The following DNAJB11 variants were observed in gnomAD, a reference collection of about 807,000 sequenced individuals.
The protein encoded by DNAJB11 is DnaJ heat shock protein family (Hsp40) member B11.
DNAJB11 carries 30 observed loss-of-function variants against 47.2 expected under a neutral mutation model. That is an observed-to-expected ratio of 0.64 (90% CI 0.48 to 0.86). DNAJB11 has a LOEUF of 0.86. Ranked by LOEUF, DNAJB11 falls within the 40% of genes least tolerant of loss-of-function variation. DNAJB11 has a pLI of 0.00. For missense variants in DNAJB11, 357 were observed against 440.2 expected (o/e 0.81, Z 1.69); for synonymous variants, 151 against 159.9 (o/e 0.94, Z 0.42).
In DNAJB11 at chr3:186,584,906, G is replaced by A. The variant is rs1448249585; in HGVS notation, c.1012+317G>A. 6.6e-5 allele frequency among the ~76,000 whole-genome samples: 10 copies of A among 152,292 alleles called. No individual in the cohort carries two copies. The East Asian group carries it at 1.9e-3, about 29-fold the overall frequency. On this transcript the variant is annotated intron_variant, in intron 9 of 9. Coordinates refer to ENST00000265028, the MANE Select transcript of DNAJB11 (RefSeq NM_016306.6). ...TGTAAAAGGGAAGATGAGGTAGACT[G>A]TAGAAAGATTAGAAGCTTATGGGTG... is the stretch of plus-strand genomic sequence containing the variant.
intron 4 of DNAJB11, chr3:186,578,917 G>A (rs547366704): frequency 1.3e-5 from 2 of 152,198 alleles, no homozygotes; most frequent in South Asian, 2.1e-4. Flanking sequence ...ATTCGTTTTT[G>A]TTCTAAAATA....
chr3:186,582,153 T>C, intron 6 of DNAJB11, 76 bp downstream of exon 6: 1 of 1,078,426 alleles, frequency 9.3e-7, no homozygotes, highest in Non-Finnish European at 1.4e-6. Flanking sequence ...CTTTCACCCC[T>C]GCCTTACTCC....
At chr3:186,573,359 C>A (rs73059416) in intron 2 of DNAJB11, among the ~76,000 whole-genome samples, 3,073 of 152,150 alleles carry the variant, frequency 0.02, 94 homozygotes, top group African/African-American at 0.07. Flanking sequence ...CTTTCAACAC[C>A]TTCAGGGATC....
At chr3:186,581,101 A>T in intron 4 of DNAJB11, 1 of 348,782 alleles carries the variant, frequency 2.9e-6, no homozygotes, top group Non-Finnish European at 5.3e-6. Flanking sequence ...GATATCATAC[A>T]CTTTATTTTT....
chr3:186,572,147 A>ATTAT lies in DNAJB11; in HGVS notation c.124_125insTTTA (p.Lys42IlefsTer2). ...GCCTCGAAGTGCCTCTATAAAGGATATTAAAAAGGCCTATAGGAAACTAGC... is the reference window on the plus strand; with the variant it reads ...GCCTCGAAGTGCCTCTATAAAGGATATTATTTAAAAAGGCCTATAGGAAACTAGC... On this transcript the variant is annotated frameshift_variant, in exon 2 of 10. Transcript: ENST00000265028. LOFTEE classifies it high-confidence loss of function. 6.2e-7 allele frequency: 1 copy of ATTAT among 1,612,864 alleles called. No homozygotes were observed. The highest frequency in any genetic ancestry group is 8.5e-7 in the Non-Finnish European group (1 of 1,179,482).
chr3:186,581,499 A>G lies in DNAJB11; in HGVS notation c.585A>G (p.Glu195=). The G allele has an allele frequency of 6.2e-7, 1 of 1,613,100 alleles. No homozygotes were observed. Among genetic ancestry groups the G allele is most frequent in the Non-Finnish European group, 8.5e-7 (1 of 1,179,690 alleles). ...FQMTQEVVCD[E]CPNVKLVNEE... The stretch of plus-strand genomic sequence containing the variant: ...TGACCCAGGAGGTGGTCTGCGACGA[A>G]TGCCCTAATGTCAAGTAAGTGAAAG... Residue 195 remains glutamate, a synonymous_variant, in exon 5 of 10, where the codon GAA becomes GAG. Transcript: ENST00000265028.
chr3:186,579,867 A>G (rs949849526), intron 4 of DNAJB11: 1 of 152,118 alleles, frequency 6.6e-6, no homozygotes, highest in African/African-American at 2.4e-5. Flanking sequence ...CCTGGAATCC[A>G]TGTTTTCTTG....
intron 7 of DNAJB11, 51 bp downstream of exon 7, chr3:186,582,824 C>T (rs756960029): frequency 6.6e-5 from 87 of 1,322,654 alleles, no homozygotes; most frequent in Middle Eastern, 2.0e-4. Flanking sequence ...ATTATAGAGA[C>T]GTAGGTGGCC....
intron 4 of DNAJB11, 72 bp from the exon 5 acceptor site, chr3:186,581,299 C>T (rs368823447): frequency 1.9e-6 from 3 of 1,560,086 alleles, no homozygotes; most frequent in Non-Finnish European, 2.6e-6. Context: ...ATGTGCAGAG[C>T]CTTGATCAAT....
At chr3:186,579,894 C>T (rs545357393) in intron 4 of DNAJB11, 1 of 152,326 alleles carries the variant, frequency 6.6e-6, no homozygotes, top group East Asian at 1.9e-4. Flanking sequence ...TTCCAGGATA[C>T]TGGAGGAGAC....
In DNAJB11 at chr3:186,585,516, G is replaced by T; in HGVS notation, c.*108G>T. The T allele has an allele frequency of 1.4e-6, 1 of 734,874 alleles. No homozygotes were observed. 45.5% of individuals were successfully genotyped at this position (734,874 alleles called of 1,614,324 possible). On this transcript the variant is annotated 3_prime_UTR_variant, in exon 10 of 10. Transcript: ENST00000265028. ...TTTTTATTTTCAATATGCAAGTTAG[G>T]CTTAATTTTTTTATCTAATGATCAT...
intron 4 of DNAJB11, chr3:186,578,014 C>T (rs1328655679): frequency 3.1e-6 from 1 of 327,378 alleles, no homozygotes. Flanking sequence ...ATTACCATGA[C>T]TTAATCTACC....
At position 186,570,821 on chromosome 3, in the gene DNAJB11, G is replaced by A. The variant is rs900498544; in HGVS notation, c.-77G>A. On this transcript the variant is annotated 5_prime_UTR_variant, in exon 1 of 10. Coordinates refer to ENST00000265028, the MANE Select transcript of DNAJB11 (RefSeq NM_016306.6). ...CGGTGTGAGGCGGCCTCACAGGGCCGGGTGGGCTGGCGAGCCGACGCGGCG... is the reference window on the plus strand; with the variant it reads ...CGGTGTGAGGCGGCCTCACAGGGCCAGGTGGGCTGGCGAGCCGACGCGGCG... 9.0e-6 allele frequency: 13 copies of A among 1,438,220 alleles called. No homozygotes were observed. The highest frequency in any genetic ancestry group is 1.7e-4 in the Middle Eastern group (1 of 5,770). 89.1% of individuals were successfully genotyped at this position (1,438,220 alleles called of 1,614,324 possible).
intron 5 of DNAJB11, 105 bp from the exon 6 acceptor site, chr3:186,581,890 T>C: frequency 1.1e-6 from 1 of 920,082 alleles, no homozygotes; most frequent in Admixed American, 2.6e-5. Context: ...CACACTACAG[T>C]CTTCCAAGAA....
At chr3:186,581,324 G>A in intron 4 of DNAJB11, 47 bp from the exon 5 acceptor site, 2 of 1,604,124 alleles carry the variant, frequency 1.2e-6, no homozygotes, top group Non-Finnish European at 1.7e-6. Context: ...GAAAGGAAAG[G>A]CTGTTTTACA....
At chr3:186,581,776 C>T (rs1715493982) in intron 5 of DNAJB11, among the ~76,000 whole-genome samples, 1 of 151,992 alleles carries the variant, frequency 6.6e-6, no homozygotes, top group Non-Finnish European at 1.5e-5. Context: ...CCTTCTTGTA[C>T]TATTAGAGCA....
At chr3:186,571,694 CTT>C (rs1715063531) in intron 1 of DNAJB11, among the ~76,000 whole-genome samples, 1 of 152,128 alleles carries the variant, frequency 6.6e-6, no homozygotes, top group South Asian at 2.1e-4. Flanking sequence ...TGTTATTTGA[CTT>C]TTAGAAAAGT....
At chr3:186,581,074 T>A (rs540081452) in intron 4 of DNAJB11, 2 of 266,208 alleles carry the variant, frequency 7.5e-6, no homozygotes, top group Non-Finnish European at 1.4e-5. Flanking sequence ...AGCATTTAGT[T>A]GTGGCTTAGA....
intron 3 of DNAJB11, among the ~76,000 whole-genome samples, chr3:186,577,084 T>G (rs1715326164): frequency 6.6e-6 from 1 of 152,222 alleles, no homozygotes. Flanking sequence ...GGCTAGAACT[T>G]CCTTCTCCTT....
Sources: gnomAD v4.1 joint callset for allele counts (sites outside exome capture counted in the v4.1 genomes callset) on GRCh38, gnomAD v4.1.1 for gene constraint, MANE v1.5 for transcripts, NCBI Gene and HGNC (gene_info 2026-07-23, HGNC 2026-07-21) for gene names.